HPSE2: variants seen among roughly 807,000 people sequenced by gnomAD.
HPSE2 encodes the protein inactive heparanase-2.
In HPSE2, 38 loss-of-function variants were observed where a neutral mutation model predicts 60.5. That is an observed-to-expected ratio of 0.63 (90% CI 0.48 to 0.82). HPSE2 has a LOEUF of 0.82. HPSE2 is among the 40% of genes least tolerant of loss of function. HPSE2 has a pLI of 0.00. For missense variants in HPSE2, 713 were observed against 740.4 expected (o/e 0.96, Z 0.43); for synonymous variants, 295 against 293.2 (o/e 1.01, Z -0.06).
chr10:99,223,273 T>A (rs892055034), intron 2 of HPSE2, among the ~76,000 whole-genome samples: 5 of 152,212 alleles, frequency 3.3e-5, no homozygotes, highest in African/African-American at 1.2e-4. Context: ...TATTAATGCA[T>A]GTATACTGCT....
intron 3 of HPSE2, among the ~76,000 whole-genome samples, chr10:98,901,401 G>A (rs912881838): frequency 9.2e-5 from 14 of 152,146 alleles, no homozygotes; most frequent in African/African-American, 3.1e-4. Flanking sequence ...AGTGATTCTG[G>A]TATTAGGGAA....
intron 3 of HPSE2, among the ~76,000 whole-genome samples, chr10:99,105,134 CCTGT>C (rs1248062147): frequency 6.6e-6 from 1 of 151,610 alleles, no homozygotes; most frequent in Non-Finnish European, 1.5e-5. Flanking sequence ...GGGTATCCAG[CCTGT>C]CTATTGCTAC....
At chr10:98,639,116 G>A (rs1250153205) in intron 7 of HPSE2, among the ~76,000 whole-genome samples, 1 of 152,146 alleles carries the variant, frequency 6.6e-6, no homozygotes, top group East Asian at 1.9e-4. Context: ...TGTGACTTCT[G>A]AGGGTAGGTT....
chr10:99,042,651 C>T (rs1957766716), intron 3 of HPSE2, among the ~76,000 whole-genome samples: 1 of 135,668 alleles, frequency 7.4e-6, no homozygotes, highest in Admixed American at 7.2e-5. Flanking sequence ...GCATGCCTCC[C>T]TCGGAAGGGC....
chr10:98,990,712 A>G (rs1956502664), intron 3 of HPSE2, among the ~76,000 whole-genome samples: 1 of 152,210 alleles, frequency 6.6e-6, no homozygotes. Flanking sequence ...GTTCATCTAT[A>G]TTCCAAAATA....
In HPSE2 at chr10:99,036,058, T is replaced by A. The variant is rs187757692; in HGVS notation, c.610+108180A>T. On this transcript the variant is annotated intron_variant, in intron 3 of 11. Coordinates refer to ENST00000370552, the MANE Select transcript of HPSE2 (RefSeq NM_021828.5). ...AGACCCTGTTCCTACAAAAAAAAAA[T>A]TTTTTTTTAAACTAGGCATAGAACC... Among the ~76,000 whole-genome samples the A allele has an allele frequency of 5.8e-3, 873 of 150,764 alleles. 6 individuals carry two copies. Among genetic ancestry groups the A allele is most frequent in the African/African-American group, 0.018 (734 of 41,070 alleles).
chr10:99,237,247 T>C (rs187740329), upstream of HPSE2, among the ~76,000 whole-genome samples: 77 of 152,298 alleles, frequency 5.1e-4, no homozygotes, highest in Middle Eastern at 3.4e-3. Flanking sequence ...CTACTTTATG[T>C]AGTGCGGGCA....
intron 9 of HPSE2, among the ~76,000 whole-genome samples, chr10:98,614,155 T>C (rs79676899): frequency 0.037 from 5,566 of 152,268 alleles, 359 homozygotes; most frequent in African/African-American, 0.13. Flanking sequence ...CTCCCCCATC[T>C]GCTTTCAACA....
chr10:99,235,387 CTT>C (rs1297508327), intron 1 of HPSE2, 124 bp downstream of exon 1: 2 of 907,992 alleles, frequency 2.2e-6, no homozygotes, highest in Admixed American at 1.9e-5. Flanking sequence ...AGGAAAACCT[CTT>C]TTCTTCTCTT....
chr10:98,820,968 T>G (rs1417813612), intron 3 of HPSE2, among the ~76,000 whole-genome samples: 2 of 152,216 alleles, frequency 1.3e-5, no homozygotes, highest in African/African-American at 4.8e-5. Flanking sequence ...TCTTTCTCAC[T>G]GCAATACTCT....
intron 9 of HPSE2, among the ~76,000 whole-genome samples, chr10:98,582,479 C>T (rs1010301508): frequency 4.6e-5 from 7 of 152,132 alleles, no homozygotes; most frequent in Non-Finnish European, 8.8e-5. Flanking sequence ...ATACACTAAG[C>T]ATGCCCATGC....
intron 5 of HPSE2, among the ~76,000 whole-genome samples, chr10:98,698,789 T>C (rs1948311409): frequency 1.3e-5 from 2 of 152,008 alleles, no homozygotes; most frequent in African/African-American, 4.8e-5. Flanking sequence ...ATAGATGCAA[T>C]AAAAAATGAT....
chr10:98,728,123 T>C (rs1316212965), intron 4 of HPSE2, among the ~76,000 whole-genome samples: 1 of 152,122 alleles, frequency 6.6e-6, no homozygotes, highest in East Asian at 1.9e-4. Flanking sequence ...ATAAAAGACA[T>C]AAATAAAGGT....
At chr10:99,255,908 AC>A in the HPSE2 span, among the ~76,000 whole-genome samples, 1 of 152,180 alleles carries the variant, frequency 6.6e-6, no homozygotes, top group African/African-American at 2.4e-5. Context: ...TCACTGACTC[AC>A]AGTTCCACAG....
At chr10:98,953,138 T>G (rs1344225255) in intron 3 of HPSE2, among the ~76,000 whole-genome samples, 1 of 152,196 alleles carries the variant, frequency 6.6e-6, no homozygotes, top group Non-Finnish European at 1.5e-5. Context: ...AAGGGGAATA[T>G]GTCTTAAACA....
At chr10:99,206,558 C>T (rs1338997117) in intron 2 of HPSE2, among the ~76,000 whole-genome samples, 4 of 143,456 alleles carry the variant, frequency 2.8e-5, no homozygotes, top group Non-Finnish European at 6.0e-5. Flanking sequence ...AAGACCCTGT[C>T]TCAAAAAAAA....
intron 3 of HPSE2, among the ~76,000 whole-genome samples, chr10:98,834,724 G>C (rs1951755537): frequency 6.6e-6 from 1 of 152,134 alleles, no homozygotes; most frequent in African/African-American, 2.4e-5. Context: ...ATCTGTATGA[G>C]GGCAGGTTTT....
rs549116192 is a variant in HPSE2 at position 98,590,831 on chromosome 10, G to A, written c.1320+24073C>T. On this transcript the variant is annotated intron_variant, in intron 9 of 11. Coordinates refer to ENST00000370552, the MANE Select transcript of HPSE2 (RefSeq NM_021828.5). ...CCAGCCCCTCCACTTACTAGCCAGT[G>A]GGAGAGTCACTTAATTCCTTTGTGT... Among the ~76,000 whole-genome samples, 385 of 152,224 alleles carry A rather than the reference G, an allele frequency of 2.5e-3. 3 individuals are homozygous for A. Among genetic ancestry groups the A allele is most frequent in the Admixed American group, 6.2e-3 (95 of 15,290 alleles).
At chr10:99,136,257 A>G (rs1343652273) in intron 3 of HPSE2, among the ~76,000 whole-genome samples, 1 of 152,158 alleles carries the variant, frequency 6.6e-6, no homozygotes, top group African/African-American at 2.4e-5. Context: ...ATAGCCTACC[A>G]ACCAAAAAAA....
Sources: allele counts gnomAD v4.1 joint callset (sites outside exome capture counted in the v4.1 genomes callset), GRCh38; gene constraint gnomAD v4.1.1; transcripts MANE v1.5; gene names NCBI Gene and HGNC (gene_info 2026-07-23, HGNC 2026-07-21).